The following ANK2 variants were observed in gnomAD, a reference collection of about 807,000 sequenced individuals.
The protein encoded by ANK2 is ankyrin 2.
ANK2 carries 83 observed loss-of-function variants against 360.5 expected under a neutral mutation model. That is an observed-to-expected ratio of 0.23 (90% confidence interval 0.19 to 0.28). The LOEUF (loss-of-function observed/expected upper bound fraction) is 0.28, where lower values mean the gene tolerates loss of function less well. Among genes scored for constraint, ANK2 ranks in the 10% least tolerant of loss-of-function variants. The pLI, the probability that ANK2 is intolerant of heterozygous loss-of-function variation, is 1.00. For synonymous variants in ANK2, 1,740 were observed against 1,759.5 expected (o/e 0.99, Z 0.28); for missense variants, 4,201 against 4,795.7 (o/e 0.88, Z 3.66).
intron 1 of ANK2, among the ~76,000 whole-genome samples, chr4:113,095,094 T>G (rs891559379): frequency 1.3e-5 from 2 of 152,144 alleles, no homozygotes; most frequent in African/African-American, 2.4e-5. Flanking sequence ...GAACATTAGA[T>G]CTTCAAAAAT....
intron 2 of ANK2, among the ~76,000 whole-genome samples, chr4:112,957,007 GTTTTT>G (rs56066718): frequency 7.5e-5 from 5 of 66,480 alleles, no homozygotes; most frequent in Admixed American, 5.3e-4. Context: ...TATTGCTCTT[GTTTTT>G]TTTTTTTTTT....
chr4:112,936,834 G>C (rs1440048312), intron 2 of ANK2, among the ~76,000 whole-genome samples: 1 of 152,012 alleles, frequency 6.6e-6, no homozygotes, highest in East Asian at 1.9e-4. Context: ...TGTTGCCCAG[G>C]CTGTAGTGCA....
intron 1 of ANK2, among the ~76,000 whole-genome samples, chr4:112,840,178 C>G (rs2061804759): frequency 6.6e-6 from 1 of 152,136 alleles, no homozygotes; most frequent in Non-Finnish European, 1.5e-5. Context: ...GTTTGTAGAT[C>G]AACTGCATAT....
chr4:113,207,014 A>T (rs531865558), intron 4 of ANK2, among the ~76,000 whole-genome samples: 132 of 152,068 alleles, frequency 8.7e-4, no homozygotes, highest in African/African-American at 3.1e-3. Flanking sequence ...ACAGAGTGAG[A>T]CTCCATCTCA....
chr4:113,017,461 T>G (rs2056945536), intron 2 of ANK2, among the ~76,000 whole-genome samples: 1 of 152,154 alleles, frequency 6.6e-6, no homozygotes, highest in Non-Finnish European at 1.5e-5. Context: ...AGCCTCTACT[T>G]TGGCCTGTCA....
At chr4:113,308,120 C>A (rs754358676) in intron 23 of ANK2, among the ~76,000 whole-genome samples, 2 of 152,192 alleles carry the variant, frequency 1.3e-5, no homozygotes, top group Non-Finnish European at 2.9e-5. Flanking sequence ...TATAATGATT[C>A]TCTTAAAGCT....
At chr4:112,879,123 A>G (rs1318870745) in intron 1 of ANK2, among the ~76,000 whole-genome samples, 3 of 152,200 alleles carry the variant, frequency 2.0e-5, no homozygotes, top group Non-Finnish European at 4.4e-5. Context: ...AAACAAAACA[A>G]AACAAAAAAC....
chr4:112,810,778 C>T, the ANK2 span, among the ~76,000 whole-genome samples: 2 of 152,134 alleles, frequency 1.3e-5, no homozygotes, highest in East Asian at 1.9e-4. Flanking sequence ...TCTTGAACTC[C>T]TGACCTCAGG....
chr4:113,149,068 C>G (rs2096940167), intron 1 of ANK2: 1 of 152,184 alleles, frequency 6.6e-6, no homozygotes, highest in Non-Finnish European at 1.5e-5. Flanking sequence ...CCTCCATTTC[C>G]CCCTCCCTTT....
chr4:112,709,142 TTTC>T, the ANK2 span, among the ~76,000 whole-genome samples: 3 of 152,328 alleles, frequency 2.0e-5, no homozygotes, highest in African/African-American at 4.8e-5. Flanking sequence ...TTTCCCTTTT[TTTC>T]TTCTTCTTGT....
intron 2 of ANK2, among the ~76,000 whole-genome samples, chr4:113,003,598 A>G (rs1053531113): frequency 2.0e-5 from 3 of 152,228 alleles, no homozygotes; most frequent in Non-Finnish European, 4.4e-5. Flanking sequence ...ATGAAGATTG[A>G]CTATATGATC....
chr4:112,918,016 C>T (rs1001816719), intron 2 of ANK2, among the ~76,000 whole-genome samples: 1 of 152,158 alleles, frequency 6.6e-6, no homozygotes, highest in African/African-American at 2.4e-5. Flanking sequence ...AGATTTGGGG[C>T]CTGCTTATTG....
chr4:113,314,001 G>A (rs1258614220), intron 24 of ANK2, among the ~76,000 whole-genome samples: 1 of 152,146 alleles, frequency 6.6e-6, no homozygotes, highest in East Asian at 1.9e-4. Flanking sequence ...TAACACATTA[G>A]CATGGCTTTC....
chr4:112,767,969 T>C, the ANK2 span, among the ~76,000 whole-genome samples: 3 of 151,488 alleles, frequency 2.0e-5, no homozygotes, highest in South Asian at 2.1e-4. Context: ...AAGAAGAGAG[T>C]ATGGCTAGAA....
chr4:112,888,608 G>A lies in ANK2; in HGVS notation c.-39-15847G>A, dbSNP rs116807528. On this transcript the variant is annotated intron_variant, in intron 1 of 30. Coordinates refer to the ANK2 transcript ENST00000503271. ...ACTCTACATAGAGAGAGTCATGTCC[G>A]TTTTATAACCTTCCACTCTCCCCCT... is the stretch of plus-strand genomic sequence containing the variant. Among the ~76,000 whole-genome samples the A allele has an allele frequency of 3.3e-3, 496 of 151,594 alleles. 2 individuals are homozygous for A. The highest frequency in any genetic ancestry group is 0.011 in the African/African-American group (471 of 41,296).
At chr4:112,957,386 C>A (rs1385881907) in intron 2 of ANK2, among the ~76,000 whole-genome samples, 3 of 152,212 alleles carry the variant, frequency 2.0e-5, no homozygotes, top group Non-Finnish European at 4.4e-5. Context: ...TAGTACAGAA[C>A]AAAATGAAAA....
At chr4:112,763,912 C>G in the ANK2 span, among the ~76,000 whole-genome samples, 1 of 152,088 alleles carries the variant, frequency 6.6e-6, no homozygotes, top group African/African-American at 2.4e-5. Context: ...CTCTCTCACA[C>G]TTAAAGTTTA....
the ANK2 span, among the ~76,000 whole-genome samples, chr4:112,732,304 C>T: frequency 6.9e-5 from 10 of 145,590 alleles, no homozygotes; most frequent in African/African-American, 2.3e-4. Context: ...GGCTGGAGTG[C>T]AGTGGCATGA....
chr4:113,331,245 T>G (rs905678115), intron 27 of ANK2, among the ~76,000 whole-genome samples: 1 of 152,220 alleles, frequency 6.6e-6, no homozygotes, highest in African/African-American at 2.4e-5. Flanking sequence ...CTTGAAATAC[T>G]GGGAGAAAAT....
Sources: allele counts gnomAD v4.1 joint callset (sites outside exome capture counted in the v4.1 genomes callset), GRCh38; gene constraint gnomAD v4.1.1; transcripts MANE v1.5; gene names NCBI Gene and HGNC (gene_info 2026-07-23, HGNC 2026-07-21).